The following GSK3B variants were observed in gnomAD, a reference collection of about 807,000 sequenced individuals.
GSK3B encodes the protein glycogen synthase kinase 3 beta, also known as glycogen synthase kinase-3 beta.
A neutral mutation model predicts 56.4 loss-of-function variants in GSK3B; 15 were observed. The ratio of observed to expected loss-of-function variants is 0.27; its 90% CI spans 0.18 to 0.41. GSK3B has a LOEUF of 0.41. GSK3B is among the 10% of genes least tolerant of loss of function. The pLI is 1.00. For synonymous variants in GSK3B, 181 were observed against 188.9 expected, an observed-to-expected ratio of 0.96 and a Z score of 0.34; for missense variants, 300 against 513.4, an observed-to-expected ratio of 0.58 and a Z score of 4.02.
At chr3:119,890,382 A>G (rs185348363) in intron 7 of GSK3B, among the ~76,000 whole-genome samples, 262 of 152,280 alleles carry the variant, frequency 1.7e-3, no homozygotes, top group African/African-American at 5.8e-3. Context: ...AAAGCCAGAT[A>G]CAAAAGAAAT....
intron 7 of GSK3B, among the ~76,000 whole-genome samples, chr3:119,887,326 G>C (rs2056447112): frequency 6.6e-6 from 1 of 151,654 alleles, no homozygotes; most frequent in Admixed American, 6.6e-5. Flanking sequence ...TAAAGAAGTA[G>C]GAAAATATAA....
intron 1 of GSK3B, among the ~76,000 whole-genome samples, chr3:120,079,895 C>T (rs2058403740): frequency 6.6e-6 from 1 of 152,216 alleles, no homozygotes; most frequent in South Asian, 2.1e-4. Context: ...CCAAACATCT[C>T]ACAATGCACA....
intron 1 of GSK3B, among the ~76,000 whole-genome samples, chr3:120,054,613 C>T (rs1228888179): frequency 6.6e-6 from 1 of 151,946 alleles, no homozygotes; most frequent in Non-Finnish European, 1.5e-5. Context: ...TCTGCCTGTC[C>T]CTCAATTATC....
At chr3:119,845,942 A>C (rs1311487533) in intron 9 of GSK3B, among the ~76,000 whole-genome samples, 2 of 152,228 alleles carry the variant, frequency 1.3e-5, no homozygotes, top group Non-Finnish European at 2.9e-5. Flanking sequence ...TACTGGTACC[A>C]AAAAAGATAT....
rs1021829024 is a variant in GSK3B, at chr3:120,042,292, A to G, written c.89-40053T>C. On this transcript the variant is annotated intron_variant, in intron 1 of 10. Coordinates refer to ENST00000264235, the MANE Select transcript of GSK3B (RefSeq NM_001146156.2). ...GAAAAGCTAGTAAGAACAGGCACTA[A>G]AGAGAGCTCAGAATAAAAATAGATA... is the stretch of plus-strand genomic sequence containing the variant. 3.3e-5 allele frequency among the ~76,000 whole-genome samples: 5 copies of G among 152,132 alleles called. No individual in the cohort carries two copies. In the East Asian group the frequency reaches 9.6e-4, roughly 29 times the overall value.
chr3:119,955,234 T>TAAA (rs543229359), intron 2 of GSK3B, among the ~76,000 whole-genome samples: 8 of 126,606 alleles, frequency 6.3e-5, no homozygotes, highest in African/African-American at 2.0e-4. Flanking sequence ...AACCAACAGC[T>TAAA]AAAAAAAAAA....
At chr3:120,064,329 A>G (rs571106542) in intron 1 of GSK3B, among the ~76,000 whole-genome samples, 12 of 152,142 alleles carry the variant, frequency 7.9e-5, no homozygotes, top group Admixed American at 6.5e-4. Context: ...GTTGCAGAAT[A>G]TAAGATCAAC....
At chr3:119,929,004 A>G (rs2056917187) in intron 3 of GSK3B, among the ~76,000 whole-genome samples, 2 of 152,170 alleles carry the variant, frequency 1.3e-5, no homozygotes, top group Admixed American at 6.6e-5. Context: ...TTTAAATCTA[A>G]TAAGTGATTA....
intron 1 of GSK3B, among the ~76,000 whole-genome samples, chr3:120,049,680 G>T (rs1272338160): frequency 1.3e-5 from 2 of 152,292 alleles, no homozygotes; most frequent in African/African-American, 4.8e-5. Context: ...CATATGGGGG[G>T]ATATATGATC....
At chr3:119,944,393 A>C (rs375453240) in intron 3 of GSK3B, among the ~76,000 whole-genome samples, 6 of 152,302 alleles carry the variant, frequency 3.9e-5, no homozygotes, top group South Asian at 2.1e-4. Flanking sequence ...TCAAGAAGAA[A>C]ATTTCTAATG....
chr3:120,093,439 A>G lies in GSK3B; in HGVS notation c.-5T>C. 6.3e-7 allele frequency: 1 copy of G among 1,596,788 alleles called. No homozygotes were observed. Among genetic ancestry groups the G allele is most frequent in the East Asian group, 2.2e-5 (1 of 44,768 alleles). On this transcript the variant is annotated 5_prime_UTR_variant, in exon 1 of 11. Transcript: ENST00000264235. ...GGTTCTGGGCCGCCCTGACATGATCACTCTCTTCGCGAATCACCTTTTCCT... is the reference window on the plus strand; with the variant it reads ...GGTTCTGGGCCGCCCTGACATGATCGCTCTCTTCGCGAATCACCTTTTCCT...
intron 1 of GSK3B, among the ~76,000 whole-genome samples, chr3:120,040,676 A>G (rs1167169089): frequency 3.3e-5 from 5 of 152,016 alleles, no homozygotes; most frequent in Non-Finnish European, 5.9e-5. Context: ...AGTCCCCCCA[A>G]TCTCTTGTTA....
chr3:120,007,710 T>C (rs1299137968), intron 1 of GSK3B, among the ~76,000 whole-genome samples: 1 of 152,280 alleles, frequency 6.6e-6, no homozygotes, highest in East Asian at 1.9e-4. Flanking sequence ...TTCAACAAAA[T>C]TCAACAGCCT....
chr3:120,042,105 T>C (rs1342487765), intron 1 of GSK3B, among the ~76,000 whole-genome samples: 2 of 152,184 alleles, frequency 1.3e-5, no homozygotes, highest in Non-Finnish European at 2.9e-5. Context: ...ATTGTCTATG[T>C]CCCCAGACAC....
At chr3:120,028,155 G>A (rs1024054913) in intron 1 of GSK3B, among the ~76,000 whole-genome samples, 1 of 152,064 alleles carries the variant, frequency 6.6e-6, no homozygotes, top group Non-Finnish European at 1.5e-5. Flanking sequence ...AACTTGGCTA[G>A]AGCATGACTG....
rs542083267 is a variant in GSK3B at position 120,033,563 on chromosome 3, G to A, written c.89-31324C>T. On this transcript the variant is annotated intron_variant, in intron 1 of 10. Coordinates refer to ENST00000264235, the MANE Select transcript of GSK3B (RefSeq NM_001146156.2). ...TGGTTTTGATTTTTATTTCCATAAT[G>A]GCTAATGATGTTGAGCATCTTTTCG... Among the ~76,000 whole-genome samples the A allele has an allele frequency of 1.2e-4, 19 of 152,220 alleles. 1 individual carries two copies. Among genetic ancestry groups the A allele is most frequent in the Middle Eastern group, 3.4e-3 (1 of 294 alleles).
chr3:120,092,407 T>C (rs950797426), intron 1 of GSK3B, among the ~76,000 whole-genome samples: 9 of 152,204 alleles, frequency 5.9e-5, no homozygotes, highest in African/African-American at 1.4e-4. Flanking sequence ...TGATGGAAAC[T>C]AACGCTAGAG....
chr3:119,910,132 TA>T (rs1232244141), intron 6 of GSK3B, among the ~76,000 whole-genome samples: 1 of 152,174 alleles, frequency 6.6e-6, no homozygotes. Flanking sequence ...AGGAGGATTT[TA>T]AATAAGAAAG....
intron 7 of GSK3B, among the ~76,000 whole-genome samples, chr3:119,885,227 C>A (rs1368992485): frequency 1.4e-5 from 2 of 145,904 alleles, no homozygotes; most frequent in Non-Finnish European, 3.0e-5. Flanking sequence ...ATCAACAACA[C>A]AATCCTATTT....
Sources: allele counts gnomAD v4.1 joint callset (sites outside exome capture counted in the v4.1 genomes callset), GRCh38; gene constraint gnomAD v4.1.1; transcripts MANE v1.5; gene names NCBI Gene and HGNC (gene_info 2026-07-23, HGNC 2026-07-21).